Variants in RGS7BP observed in about 807,000 individuals in gnomAD.
RGS7BP encodes the protein regulator of G protein signaling 7 binding protein.
A neutral mutation model predicts 31.3 loss-of-function variants in RGS7BP; 9 were observed. That is an observed-to-expected ratio of 0.29 (90% confidence interval 0.17 to 0.50). RGS7BP has a LOEUF of 0.50. RGS7BP is among the 20% of genes least tolerant of loss of function. The pLI is 0.98. For synonymous variants in RGS7BP, 115 were observed against 120.1 expected (o/e 0.96, Z 0.28); for missense variants, 274 against 322.0 (o/e 0.85, Z 1.14).
chr5:64,573,339 T>C (rs1411148335), intron 2 of RGS7BP, among the ~76,000 whole-genome samples: 1 of 152,134 alleles, frequency 6.6e-6, no homozygotes, highest in Admixed American at 6.5e-5. Flanking sequence ...TTAAAATATG[T>C]TAATATGGTA....
intron 2 of RGS7BP, 76 bp from the exon 3 acceptor site, chr5:64,575,698 T>C: frequency 1.3e-6 from 2 of 1,514,208 alleles, no homozygotes; most frequent in Middle Eastern, 3.6e-4. Context: ...CATTTTTCCC[T>C]CTCGGAGCTG....
At chr5:64,514,419 C>T (rs1183770541) in intron 2 of RGS7BP, among the ~76,000 whole-genome samples, 1 of 152,148 alleles carries the variant, frequency 6.6e-6, no homozygotes, top group African/African-American at 2.4e-5. Context: ...TTTGCCCCAA[C>T]TAGAGGTGAG....
intron 4 of RGS7BP, among the ~76,000 whole-genome samples, chr5:64,597,427 G>A (rs906141821): frequency 6.6e-6 from 1 of 151,902 alleles, no homozygotes; most frequent in South Asian, 2.1e-4. Context: ...TTTCCCTCTT[G>A]TTCCCATACT....
At chr5:64,601,445 T>C in intron 5 of RGS7BP, 2 of 984,278 alleles carry the variant, frequency 2.0e-6, no homozygotes, top group Non-Finnish European at 2.4e-6. Flanking sequence ...AAATCAACTT[T>C]CAGTGGAGAA....
chr5:64,592,982 A>G (rs1742961242), intron 3 of RGS7BP, among the ~76,000 whole-genome samples: 1 of 152,210 alleles, frequency 6.6e-6, no homozygotes, highest in Admixed American at 6.5e-5. Context: ...AATGCTTTTA[A>G]GAGGTCAATG....
At position 64,507,696 on chromosome 5, in the gene RGS7BP, T is replaced by A; in HGVS notation, c.166-15T>A. ...AAATGTTTGGTAAAAAAAAAAAAAC[T>A]CACTTCTTTTCCAGCTTGTCCAAGA... On this transcript the variant is annotated splice_polypyrimidine_tract_variant and intron_variant, in intron 1 of 5. Coordinates refer to ENST00000334025, the MANE Select transcript of RGS7BP (RefSeq NM_001029875.3). 1.3e-6 allele frequency: 2 copies of A among 1,534,850 alleles called. No homozygotes were observed. The highest frequency in any genetic ancestry group is 1.8e-6 in the Non-Finnish European group (2 of 1,138,360).
At chr5:64,528,073 C>A (rs1004891785) in intron 2 of RGS7BP, among the ~76,000 whole-genome samples, 1 of 152,196 alleles carries the variant, frequency 6.6e-6, no homozygotes, top group African/African-American at 2.4e-5. Context: ...AAACTGGCTG[C>A]TTTGCTTGTC....
rs876 is a variant in RGS7BP, at chr5:64,612,172, TC to T, written c.*2922del. On this transcript the variant is annotated 3_prime_UTR_variant, in exon 6 of 6. Transcript: ENST00000334025. ...AATAGAAAATAAAAATCACCTGAAT[TC>T]CACCACGACCACATTGTTTAAAACC... 42,109 of 151,974 alleles carry T rather than the reference TC, an allele frequency of 0.28. 6,160 individuals carry two copies. Among genetic ancestry groups the T allele is most frequent in the South Asian group, 0.42 (2,006 of 4,818 alleles). 9.4% of individuals were successfully genotyped at this position (151,974 alleles called of 1,614,324 possible).
chr5:64,557,505 G>A (rs993923416), intron 2 of RGS7BP, among the ~76,000 whole-genome samples: 3 of 152,136 alleles, frequency 2.0e-5, no homozygotes, highest in African/African-American at 7.2e-5. Flanking sequence ...CTTTTTTGCT[G>A]AGACTTCAGG....
intron 5 of RGS7BP, among the ~76,000 whole-genome samples, chr5:64,600,696 A>C (rs1015187427): frequency 6.6e-6 from 1 of 152,204 alleles, no homozygotes; most frequent in African/African-American, 2.4e-5. Flanking sequence ...TTTAATAATC[A>C]AAAATAACTA....
chr5:64,516,154 C>T (rs765391944), intron 2 of RGS7BP, among the ~76,000 whole-genome samples: 10 of 152,102 alleles, frequency 6.6e-5, no homozygotes, highest in Non-Finnish European at 1.3e-4. Flanking sequence ...ATCAGGTTAA[C>T]AAAAGTCAAT....
chr5:64,549,317 T>C (rs1421370440), intron 2 of RGS7BP, among the ~76,000 whole-genome samples: 1 of 152,242 alleles, frequency 6.6e-6, no homozygotes, highest in Non-Finnish European at 1.5e-5. Context: ...GTCCAAAGTT[T>C]AGCAAAACAA....
At chr5:64,533,329 A>G (rs1207068651) in intron 2 of RGS7BP, among the ~76,000 whole-genome samples, 1 of 152,210 alleles carries the variant, frequency 6.6e-6, no homozygotes, top group Non-Finnish European at 1.5e-5. Flanking sequence ...AGAAGCTTTG[A>G]AGACTCTAAT....
intron 2 of RGS7BP, among the ~76,000 whole-genome samples, chr5:64,538,546 C>CTTTTTTTTTTTTTTTTTTT (rs1191560944): frequency 7.5e-5 from 3 of 40,026 alleles, no homozygotes; most frequent in African/African-American, 2.2e-4. Context: ...TTTTCCTTTT[C>CTTTTTTTTTTTTTTTTTTT]TTTTTTTTTT....
At chr5:64,546,931 A>C (rs1245247938) in intron 2 of RGS7BP, among the ~76,000 whole-genome samples, 1 of 152,172 alleles carries the variant, frequency 6.6e-6, no homozygotes. Flanking sequence ...CCTTCTCATC[A>C]ACCTCAACCC....
At chr5:64,572,904 G>C (rs532994298) in intron 2 of RGS7BP, among the ~76,000 whole-genome samples, 2 of 149,608 alleles carry the variant, frequency 1.3e-5, no homozygotes, top group African/African-American at 4.9e-5. Context: ...TGCCATGCTG[G>C]TGTGCTGCAC....
At chr5:64,513,175 T>G (rs1748885319) in intron 2 of RGS7BP, among the ~76,000 whole-genome samples, 1 of 152,224 alleles carries the variant, frequency 6.6e-6, no homozygotes, top group Admixed American at 6.5e-5. Context: ...ACCTAGTACA[T>G]TCACAAGAAG....
intron 2 of RGS7BP, among the ~76,000 whole-genome samples, chr5:64,568,299 T>A (rs1742218386): frequency 6.6e-6 from 1 of 151,870 alleles, no homozygotes; most frequent in African/African-American, 2.4e-5. Context: ...CAAGACCTTA[T>A]AAGACTAAGA....
chr5:64,508,091 T>C (rs751929042), intron 2 of RGS7BP, among the ~76,000 whole-genome samples: 1 of 152,150 alleles, frequency 6.6e-6, no homozygotes, highest in Non-Finnish European at 1.5e-5. Context: ...TTTAGAAGAT[T>C]TGGATCAAAT....
Sources: allele counts gnomAD v4.1 joint callset (sites outside exome capture counted in the v4.1 genomes callset), GRCh38; gene constraint gnomAD v4.1.1; transcripts MANE v1.5; gene names NCBI Gene and HGNC (gene_info 2026-07-23, HGNC 2026-07-21).